The following ZNF891 variants were observed in gnomAD, a reference collection of about 807,000 sequenced individuals.
ZNF891 encodes the protein zinc finger protein 891.
For synonymous variants in ZNF891, 199 were observed against 209.0 expected (o/e 0.95, Z 0.41); for missense variants, 589 against 632.7 (o/e 0.93, Z 0.74).
intron 1 of ZNF891, among the ~76,000 whole-genome samples, chr12:133,128,837 A>G (rs1260878443): frequency 6.6e-6 from 1 of 151,538 alleles, no homozygotes; most frequent in Non-Finnish European, 1.5e-5. Flanking sequence ...TAAAAGAAAA[A>G]TTTAAAAATT....
At chr12:133,128,043 T>C (rs1955833339) in intron 1 of ZNF891, among the ~76,000 whole-genome samples, 1 of 152,216 alleles carries the variant, frequency 6.6e-6, no homozygotes. Flanking sequence ...CATTATAATA[T>C]TTGTAAAATA....
chr12:133,129,017 T>C (rs1566340138), intron 1 of ZNF891, among the ~76,000 whole-genome samples: 1 of 150,894 alleles, frequency 6.6e-6, no homozygotes, highest in African/African-American at 2.4e-5. Context: ...AAGAAAAAAA[T>C]AACAATTACA....
At position 133,117,997 on chromosome 12, in the gene ZNF891, A is replaced by C. The variant is rs1045121716; in HGVS notation, c.*2287T>G. 7.3e-6 allele frequency: 1 copy of C among 136,480 alleles called. No individual in the cohort carries two copies. Among genetic ancestry groups the C allele is most frequent in the Non-Finnish European group, 1.5e-5 (1 of 65,802 alleles). 8.5% of individuals were successfully genotyped at this position (136,480 alleles called of 1,614,324 possible). A position where few individuals can be genotyped will look rare whatever the true frequency, so the allele number is the denominator to read the frequency against. The stretch of plus-strand genomic sequence containing the variant: ...AAGTCCTGCTCTGTCACCAGGCTGG[A>C]GTGCAGTGGTGAGATCTCATCTCAC... On this transcript the variant is annotated 3_prime_UTR_variant, in exon 2 of 2. Transcript: ENST00000537226.
intron 1 of ZNF891, among the ~76,000 whole-genome samples, chr12:133,126,970 T>A (rs919796059): frequency 1.7e-4 from 4 of 23,346 alleles, no homozygotes; most frequent in Non-Finnish European, 3.8e-4. Context: ...ACAGGAAAAC[T>A]TTTTTTTTTT....
Position 133,120,167 on chromosome 12 carries a change from T to A in ZNF891, c.*117A>T. ...TAATTAGTATTTACAGAAAATGTTA[T>A]ATTAAAAAAAGAGCCATTTGTAACC... On this transcript the variant is annotated 3_prime_UTR_variant, in exon 2 of 2. Coordinates refer to ENST00000537226, the MANE Select transcript of ZNF891 (RefSeq NM_001277291.2). 1.3e-6 allele frequency: 1 copy of A among 765,256 alleles called. No individual in the cohort carries two copies. Among genetic ancestry groups the A allele is most frequent in the Non-Finnish European group, 2.0e-6 (1 of 508,612 alleles). The allele number at this position is 765,256 out of a possible 1,614,324, so 47.4% of individuals were successfully genotyped here. A position where few individuals can be genotyped will look rare whatever the true frequency, so the allele number is the denominator to read the frequency against.
In ZNF891 at chr12:133,109,242, G is replaced by A. The variant is rs1955662709; in HGVS notation, c.*11042C>T. 1 of 152,190 alleles carries A rather than the reference G, an allele frequency of 6.6e-6. No homozygotes were observed. The highest frequency in any genetic ancestry group is 1.5e-5 in the Non-Finnish European group (1 of 68,054). The allele number at this position is 152,190 out of a possible 1,614,324, so 9.4% of individuals were successfully genotyped here. ...ACCACCATCCTTGGACAACTCTGTG[G>A]TACCCACCCTCTCTAGACTGTAGAT... On this transcript the variant is annotated 3_prime_UTR_variant, in exon 2 of 2. Coordinates refer to ENST00000537226, the MANE Select transcript of ZNF891 (RefSeq NM_001277291.2).
rs1034813678 is a variant in ZNF891, at chr12:133,108,836, T to C, written c.*11448A>G. On this transcript the variant is annotated 3_prime_UTR_variant, in exon 2 of 2. Transcript: ENST00000537226. ...TATAAATGAATGTAGAGTGAATTTC[T>C]GCAATATTTCAAACCTATATCAGAG... 2 of 152,244 alleles carry C rather than the reference T, an allele frequency of 1.3e-5. No homozygotes were observed. The highest frequency in any genetic ancestry group is 4.8e-5 in the African/African-American group (2 of 41,468). The allele number at this position is 152,244 out of a possible 1,614,324, so 9.4% of individuals were successfully genotyped here.
At chr12:133,128,315 G>A (rs1253024024) in intron 1 of ZNF891, among the ~76,000 whole-genome samples, 1 of 152,124 alleles carries the variant, frequency 6.6e-6, no homozygotes, top group African/African-American at 2.4e-5. Context: ...ATAAAGAGTA[G>A]TAAATTAATT....
At position 133,122,064 on chromosome 12, in the gene ZNF891, T is replaced by G. The variant is rs747217778; in HGVS notation, c.-106-40A>C. On this transcript the variant is annotated intron_variant, in intron 1 of 1. Transcript: ENST00000537226. ...GCAAGTTCAGGTAAAAGAAGAAAGCTGGAAACAGGGCCCCACTTGGGGAAA... is the reference window on the plus strand; with the variant it reads ...GCAAGTTCAGGTAAAAGAAGAAAGCGGGAAACAGGGCCCCACTTGGGGAAA... The G allele has an allele frequency of 7.3e-5, 103 of 1,403,556 alleles. 2 individuals are homozygous for G. In the South Asian group the frequency reaches 1.0e-3, roughly 14 times the overall value. 86.9% of individuals were successfully genotyped at this position (1,403,556 alleles called of 1,614,324 possible). A position where few individuals can be genotyped will look rare whatever the true frequency, so the allele number is the denominator to read the frequency against.
At chr12:133,129,137 A>G (rs563901345) in intron 1 of ZNF891, among the ~76,000 whole-genome samples, 107 of 152,352 alleles carry the variant, frequency 7.0e-4, no homozygotes, top group African/African-American at 2.4e-3. Flanking sequence ...ATTAGATTAA[A>G]AACAATTATC....
In ZNF891 at chr12:133,113,366, C is replaced by A. The variant is rs1955697192; in HGVS notation, c.*6918G>T. On this transcript the variant is annotated 3_prime_UTR_variant, in exon 2 of 2. Coordinates refer to ENST00000537226, the MANE Select transcript of ZNF891 (RefSeq NM_001277291.2). ...AATTATGACATAACCATTGATAAAA[C>A]TTTGGTGTTATGTCTTTCCATATTT... The A allele has an allele frequency of 6.6e-6, 1 of 151,922 alleles. No individual in the cohort carries two copies. The allele number at this position is 151,922 out of a possible 1,614,324, so 9.4% of individuals were successfully genotyped here.
intron 1 of ZNF891, among the ~76,000 whole-genome samples, chr12:133,128,805 A>C (rs1955844644): frequency 6.6e-6 from 1 of 151,628 alleles, no homozygotes; most frequent in Admixed American, 6.6e-5. Context: ...AAAAAAAAAA[A>C]AGTAGAAAAA....
At chr12:133,124,214 G>T (rs940396348) in intron 1 of ZNF891, among the ~76,000 whole-genome samples, 16 of 152,134 alleles carry the variant, frequency 1.1e-4, no homozygotes, top group Non-Finnish European at 8.8e-5. Flanking sequence ...AACAAAGATG[G>T]CACTTTAAAT....
rs1955534215 is a variant in ZNF891 at position 133,104,966 on chromosome 12, T to C, written c.*15318A>G. On this transcript the variant is annotated 3_prime_UTR_variant, in exon 2 of 2. Coordinates refer to ENST00000537226, the MANE Select transcript of ZNF891 (RefSeq NM_001277291.2). ...CCTCCTCCCACATTCCACCCTCAAA[T>C]AGGTCCCAGAAAAGACATAATTATA... Among the ~76,000 whole-genome samples, 2 of 152,192 alleles carry C rather than the reference T, an allele frequency of 1.3e-5. No homozygotes were observed. The highest frequency in any genetic ancestry group is 6.5e-5 in the Admixed American group (1 of 15,280).
chr12:133,106,610 AATTC>A lies in ZNF891; in HGVS notation c.*13670_*13673del, dbSNP rs1329014130. On this transcript the variant is annotated 3_prime_UTR_variant, in exon 2 of 2. Transcript: ENST00000537226. ...TCTTGACAACCCCTATGAATATGAA[AATTC>A]ATTTAATTACCACTCATTCCTTACT... 8.7e-6 allele frequency: 14 copies of A among 1,604,670 alleles called. No individual in the cohort carries two copies. The highest frequency in any genetic ancestry group is 1.2e-5 in the Non-Finnish European group (14 of 1,177,216).
chr12:133,120,936 G>C lies in ZNF891; in HGVS notation c.983C>G (p.Ala328Gly), dbSNP rs903320352. ...KKHECNQCGK[A>G]FKRISNLTLY... ...AGTAAGATTAGAAATCCTTTTGAAG[G>C]CTTTTCCACATTGATTGCATTCATG... Residue 328 changes from alanine to glycine, a missense_variant, in exon 2 of 2, where the codon GCC (alanine) becomes GGC (glycine). Transcript: ENST00000537226. 4 of 1,536,216 alleles carry C rather than the reference G, an allele frequency of 2.6e-6. No individual in the cohort carries two copies. The African/African-American group carries it at 4.1e-5, about 16-fold the overall frequency.
At position 133,113,584 on chromosome 12, in the gene ZNF891, T is replaced by C. The variant is rs1222047204; in HGVS notation, c.*6700A>G. On this transcript the variant is annotated 3_prime_UTR_variant, in exon 2 of 2. Transcript: ENST00000537226. ...AATTTTCCAGTTTTTCACTAGGGCA[T>C]GAAACAGGTGAATATTGTTACTTAT... The C allele has an allele frequency of 6.6e-6, 1 of 152,232 alleles. No homozygotes were observed. The highest frequency in any genetic ancestry group is 1.5e-5 in the Non-Finnish European group (1 of 68,040). The allele number at this position is 152,232 out of a possible 1,614,324, so 9.4% of individuals were successfully genotyped here.
intron 1 of ZNF891, among the ~76,000 whole-genome samples, chr12:133,128,872 AC>A (rs777553791): frequency 1.3e-5 from 2 of 151,124 alleles, no homozygotes; most frequent in Non-Finnish European, 2.9e-5. Context: ...CTGTAATAGG[AC>A]CCCCCTCCCC....
At chr12:133,129,594 G>A (rs1015827549) in intron 1 of ZNF891, among the ~76,000 whole-genome samples, 2 of 152,110 alleles carry the variant, frequency 1.3e-5, no homozygotes, top group Middle Eastern at 3.2e-3. Flanking sequence ...GGCGGGCGGG[G>A]GGCGGTGAGG....
Sources: allele counts gnomAD v4.1 joint callset (sites outside exome capture counted in the v4.1 genomes callset), GRCh38; gene constraint gnomAD v4.1.1; transcripts MANE v1.5; gene names NCBI Gene and HGNC (gene_info 2026-07-23, HGNC 2026-07-21).